Variants in VWA1 observed in about 807,000 individuals in gnomAD.
VWA1 encodes von Willebrand factor A domain-containing protein 1.
In VWA1, 12 loss-of-function variants were observed where a neutral mutation model predicts 14.9. That is an observed-to-expected ratio of 0.80 (90% confidence interval 0.52 to 1.30). The LOEUF (loss-of-function observed/expected upper bound fraction) is 1.30. Ranked by LOEUF, VWA1 falls within the 50% of genes most tolerant of loss-of-function variation. The pLI is 0.00. For synonymous variants in VWA1, 368 were observed against 310.7 expected (o/e 1.18, Z -1.94); for missense variants, 800 against 649.1 (o/e 1.23, Z -2.53).
chr1:1,440,990 A>T lies in VWA1; in HGVS notation c.*1203A>T, dbSNP rs1638658496. 6.6e-6 allele frequency: 1 copy of T among 152,044 alleles called. No homozygotes were observed. The highest frequency in any genetic ancestry group is 2.4e-5 in the African/African-American group (1 of 41,390). 9.4% of individuals were successfully genotyped at this position (152,044 alleles called of 1,614,324 possible). On this transcript the variant is annotated 3_prime_UTR_variant, in exon 3 of 3. Coordinates refer to ENST00000476993, the MANE Select transcript of VWA1 (RefSeq NM_022834.5). ...GCAGGTGGCTGGAATGCAGAGGACAAGGGGGCTGGGGCCTCTGCAGGGCCA... is the reference window on the plus strand; with the variant it reads ...GCAGGTGGCTGGAATGCAGAGGACATGGGGGCTGGGGCCTCTGCAGGGCCA...
intron 1 of VWA1, 81 bp downstream of exon 1, chr1:1,435,902 T>G: frequency 2.5e-5 from 4 of 160,900 alleles, no homozygotes; most frequent in South Asian, 2.3e-4. Context: ...GCCGTCGCTG[T>G]CCCCTGCTCC....
rs934601290 is a variant in VWA1, at chr1:1,435,702, G to C, written c.-47G>C. On this transcript the variant is annotated 5_prime_UTR_variant, in exon 1 of 3. Transcript: ENST00000476993. Reference sequence around the variant, plus strand: ...TGACGCGCCCTGCAGCCCCGAGCGAGCGAGCGAGCGAGCGAGTTGCCGAGC... The same window carrying C: ...TGACGCGCCCTGCAGCCCCGAGCGACCGAGCGAGCGAGCGAGTTGCCGAGC... 8.5e-7 allele frequency: 1 copy of C among 1,169,970 alleles called. No individual in the cohort carries two copies. The highest frequency in any genetic ancestry group is 1.1e-6 in the Non-Finnish European group (1 of 943,856). The allele number at this position is 1,169,970 out of a possible 1,614,324, so 72.5% of individuals were successfully genotyped here.
At position 1,442,606 on chromosome 1, in the gene VWA1, C is replaced by T. The variant is rs541748357; in HGVS notation, c.*2819C>T. 3.3e-5 allele frequency: 5 copies of T among 152,436 alleles called. No individual in the cohort carries two copies. The highest frequency in any genetic ancestry group is 6.5e-5 in the Admixed American group (1 of 15,312). The allele number at this position is 152,436 out of a possible 1,614,324, so 9.4% of individuals were successfully genotyped here. Reference sequence around the variant, plus strand: ...CCCTGACAGGTTGTGCGAGGCCCTTCGCTGGACAGCCCATTGCTGGCCACT... The same window carrying T: ...CCCTGACAGGTTGTGCGAGGCCCTTTGCTGGACAGCCCATTGCTGGCCACT... On this transcript the variant is annotated 3_prime_UTR_variant, in exon 3 of 3. Coordinates refer to ENST00000476993, the MANE Select transcript of VWA1 (RefSeq NM_022834.5).
chr1:1,439,550 G>C lies in VWA1; in HGVS notation c.1101G>C (p.Gln367His). ...GSAAALGYHV[Q>H]FGPLRGGEAQ... Reference sequence around the variant, plus strand: ...CCGCGGCGCTCGGCTACCACGTGCAGTTCGGGCCGCTGCGGGGCGGGGAGG... The same window carrying C: ...CCGCGGCGCTCGGCTACCACGTGCACTTCGGGCCGCTGCGGGGCGGGGAGG... Residue 367 changes from glutamine to histidine, a missense_variant, in exon 3 of 3, where the codon CAG becomes CAC. Physicochemically the swap from Gln to His is conservative, Grantham distance 24. Transcript: ENST00000476993. 2.3e-6 allele frequency: 3 copies of C among 1,325,320 alleles called. No homozygotes were observed. The highest frequency in any genetic ancestry group is 2.9e-6 in the Non-Finnish European group (3 of 1,040,790). 82.1% of individuals were successfully genotyped at this position (1,325,320 alleles called of 1,614,324 possible).
In VWA1 at chr1:1,437,306, G is replaced by C; in HGVS notation, c.453G>C (p.Val151=). Reference sequence around the variant, plus strand: ...CAGATGGCGGCTCCAGCGACCCTGTGGGCCCCCCCATGCAGGAGCTCAAGG... The same window carrying C: ...CAGATGGCGGCTCCAGCGACCCTGTCGGCCCCCCCATGCAGGAGCTCAAGG... ...WVTDGGSSDP[V]GPPMQELKDL... The change falls in exon 2 of 3, where the codon GTG becomes GTC. Residue 151 remains valine, a synonymous_variant. Transcript: ENST00000476993. 6.2e-7 allele frequency: 1 copy of C among 1,611,280 alleles called. No individual in the cohort carries two copies. The highest frequency in any genetic ancestry group is 8.5e-7 in the Non-Finnish European group (1 of 1,179,362).
rs534042580 is a variant in VWA1 at position 1,435,808 on chromosome 1, C to T, written c.60C>T (p.Ser20=). ...ALSLRLALAR[S]GAERGPPASA... ...GCTTGCGGCTGGCGCTGGCGCGGAG[C>T]GGCGCGGAGCGCGGTGAGTGCGGCG... The change falls in exon 1 of 3, where the codon AGC becomes AGT. Residue 20 remains serine (S), a synonymous_variant. Coordinates refer to ENST00000476993, the MANE Select transcript of VWA1 (RefSeq NM_022834.5). The T allele has an allele frequency of 3.4e-4, 403 of 1,177,352 alleles. 2 individuals carry two copies. In the Admixed American group the frequency reaches 3.6e-3, roughly 11 times the overall value. The allele number at this position is 1,177,352 out of a possible 1,614,324, so 72.9% of individuals were successfully genotyped here.
chr1:1,437,245 C>T lies in VWA1; in HGVS notation c.392C>T (p.Ala131Val), dbSNP rs750541639. The change falls in exon 2 of 3, where the codon GCC becomes GTC. Residue 131 changes from alanine to valine, a missense_variant. By Grantham distance (64) the Ala-to-Val change is moderately conservative. Transcript: ENST00000476993. ...KEQLFAEASG[A>V]RPGVPKVLVW... The stretch of plus-strand genomic sequence containing the variant: ...CAGCTGTTTGCTGAAGCATCAGGTG[C>T]CCGGCCAGGGGTGCCCAAAGTGCTG... 6.2e-7 allele frequency: 1 copy of T among 1,610,626 alleles called. No individual in the cohort carries two copies. The highest frequency in any genetic ancestry group is 1.7e-5 in the Admixed American group (1 of 59,616).
rs1328766717 is a variant in VWA1, at chr1:1,435,891, G to A, written c.73+70G>A. On this transcript the variant is annotated intron_variant, in intron 1 of 2. Coordinates refer to ENST00000476993, the MANE Select transcript of VWA1 (RefSeq NM_022834.5). ...CCGCTCTGCGCCGCTGCCCGCGCAA[G>A]GCCGTCGCTGTCCCCTGCTCCGGAC... 4.1e-6 allele frequency: 4 copies of A among 979,014 alleles called. No individual in the cohort carries two copies. In the African/African-American group the frequency reaches 5.3e-5, roughly 13 times the overall value. The allele number at this position is 979,014 out of a possible 1,614,324, so 60.6% of individuals were successfully genotyped here.
rs780999217 is a variant in VWA1, at chr1:1,439,280, G to T, written c.831G>T (p.Thr277=). 46 of 1,603,622 alleles carry T rather than the reference G, an allele frequency of 2.9e-5. 1 individual carries two copies. The Admixed American group carries it at 7.1e-4, about 25-fold the overall frequency. ...TCTGGGCCGGCCTCGACCCGGACACGGACTACGACGTGGCGCTAGTGCCTG... is the reference window on the plus strand; with the variant it reads ...TCTGGGCCGGCCTCGACCCGGACACTGACTACGACGTGGCGCTAGTGCCTG... ...DWIWAGLDPD[T]DYDVALVPES... The change falls in exon 3 of 3, where the codon ACG becomes ACT. Residue 277 remains threonine (T), a synonymous_variant. Transcript: ENST00000476993.
intron 2 of VWA1, 133 bp from the exon 3 acceptor site, chr1:1,438,948 G>T: frequency 7.2e-7 from 1 of 1,386,754 alleles, no homozygotes; most frequent in South Asian, 1.5e-5. Flanking sequence ...GGCTCCAGCA[G>T]CTCCTTGGCC....
Position 1,437,271 on chromosome 1 carries a change from G to C in VWA1, c.418G>C (p.Val140Leu), listed in dbSNP as rs1638566010. 1 of 1,610,640 alleles carries C rather than the reference G, an allele frequency of 6.2e-7. No individual in the cohort carries two copies. Among genetic ancestry groups the C allele is most frequent in the African/African-American group, 1.3e-5 (1 of 75,040 alleles). ...GARPGVPKVL[V>L]WVTDGGSSDP... ...CCGGCCAGGGGTGCCCAAAGTGCTGGTGTGGGTGACAGATGGCGGCTCCAG... is the reference window on the plus strand; with the variant it reads ...CCGGCCAGGGGTGCCCAAAGTGCTGCTGTGGGTGACAGATGGCGGCTCCAG... The change falls in exon 2 of 3, where the codon GTG becomes CTG. Residue 140 changes from valine to leucine, a missense_variant. Coordinates refer to ENST00000476993, the MANE Select transcript of VWA1 (RefSeq NM_022834.5).
Position 1,439,747 on chromosome 1 carries a change from C to G in VWA1, c.1298C>G (p.Pro433Arg), listed in dbSNP as rs1570126232. The part of the protein sequence containing the change: ...DGPRPRPRPV[P>R]RAPTPGTASR... The stretch of plus-strand genomic sequence containing the variant: ...CCGCGCCCGCGCCCACGCCCCGTGC[C>G]CCGCGCCCCGACCCCGGGGACCGCC... Residue 433 changes from proline to arginine, a missense_variant, in exon 3 of 3, where the codon CCC becomes CGC. Coordinates refer to ENST00000476993, the MANE Select transcript of VWA1 (RefSeq NM_022834.5). 2.7e-6 allele frequency: 3 copies of G among 1,093,310 alleles called. No homozygotes were observed. In the East Asian group the frequency reaches 1.8e-4, roughly 66 times the overall value. The allele number at this position is 1,093,310 out of a possible 1,614,324, so 67.7% of individuals were successfully genotyped here.
rs1638574731 is a variant in VWA1, at chr1:1,437,573, C to T, written c.631+89C>T. 5.4e-6 allele frequency: 8 copies of T among 1,485,602 alleles called. No individual in the cohort carries two copies. In the African/African-American group the frequency reaches 8.4e-5, roughly 16 times the overall value. 92.0% of individuals were successfully genotyped at this position (1,485,602 alleles called of 1,614,324 possible). On this transcript the variant is annotated intron_variant, in intron 2 of 2. Coordinates refer to ENST00000476993, the MANE Select transcript of VWA1 (RefSeq NM_022834.5). ...TGAGACTTTGGGAAGATCTCATGTCCCCAGAGCAGCGGCCAGGGCCTCCGG... is the reference window on the plus strand; with the variant it reads ...TGAGACTTTGGGAAGATCTCATGTCTCCAGAGCAGCGGCCAGGGCCTCCGG...
In VWA1 at chr1:1,439,441, A is replaced by C; in HGVS notation, c.992A>C (p.Glu331Ala). The stretch of plus-strand genomic sequence containing the variant: ...CAGCTCGCCGCCCTCCCCGCCCCAG[A>C]GGAGGCCGGGCCAGAGCGCATCGTC... ...PTQLAALPAP[E>A]EAGPERIVIS... The change falls in exon 3 of 3, where the codon GAG becomes GCG. Residue 331 changes from glutamate to alanine, a missense_variant. Transcript: ENST00000476993. 2.8e-6 allele frequency: 4 copies of C among 1,410,434 alleles called. No homozygotes were observed. Among genetic ancestry groups the C allele is most frequent in the Non-Finnish European group, 3.7e-6 (4 of 1,094,968 alleles). The allele number at this position is 1,410,434 out of a possible 1,614,324, so 87.4% of individuals were successfully genotyped here.
Position 1,439,151 on chromosome 1 carries a change from C to T in VWA1, c.702C>T (p.Pro234=), listed in dbSNP as rs1055751079. ...TSSGFRLAWP[P]LLTADSGYYV... ...GCGGCTTCCGCCTGGCCTGGCCACCCCTGCTGACCGCAGACTCGGGCTACT... is the reference window on the plus strand; with the variant it reads ...GCGGCTTCCGCCTGGCCTGGCCACCTCTGCTGACCGCAGACTCGGGCTACT... The change falls in exon 3 of 3, where the codon CCC becomes CCT. Residue 234 remains proline, a synonymous_variant. Transcript: ENST00000476993. The T allele has an allele frequency of 2.5e-5, 40 of 1,602,850 alleles. No individual in the cohort carries two copies. In the East Asian group the frequency reaches 8.7e-4, roughly 35 times the overall value.
At chr1:1,438,278 C>G (rs1422426887) in intron 2 of VWA1, among the ~76,000 whole-genome samples, 2 of 152,174 alleles carry the variant, frequency 1.3e-5, no homozygotes, top group Non-Finnish European at 2.9e-5. Context: ...CTAGTGGCCC[C>G]AGGTCACCCA....
Position 1,439,111 on chromosome 1 carries a change from C to T in VWA1, c.662C>T (p.Thr221Met), listed in dbSNP as rs556872088. The change falls in exon 3 of 3, where the codon ACG becomes ATG. Residue 221 changes from threonine to methionine, a missense_variant. Physicochemically the swap from Thr to Met is moderately conservative, Grantham distance 81. Coordinates refer to ENST00000476993, the MANE Select transcript of VWA1 (RefSeq NM_022834.5). ...DAMRPQQLHA[T>M]EITSSGFRLA... ...ATGCGGCCGCAGCAGCTCCATGCCA[C>T]GGAGATCACGTCCAGCGGCTTCCGC... The T allele has an allele frequency of 1.9e-6, 3 of 1,600,132 alleles. No homozygotes were observed. Among genetic ancestry groups the T allele is most frequent in the South Asian group, 2.2e-5 (2 of 90,968 alleles).
chr1:1,439,671 C>T lies in VWA1; in HGVS notation c.1222C>T (p.Arg408Cys). The T allele has an allele frequency of 2.3e-6, 3 of 1,307,784 alleles. No homozygotes were observed. The highest frequency in any genetic ancestry group is 2.9e-6 in the Non-Finnish European group (3 of 1,019,620). 81.0% of individuals were successfully genotyped at this position (1,307,784 alleles called of 1,614,324 possible). Residue 408 changes from arginine (R) to cysteine (C), a missense_variant, in exon 3 of 3, where the codon CGC (arginine) becomes TGC (cysteine). Physicochemically the swap from Arg to Cys is radical, Grantham distance 180. Coordinates refer to ENST00000476993, the MANE Select transcript of VWA1 (RefSeq NM_022834.5). ...AYLVTVTAAF[R>C]SGRESALSAK... The stretch of plus-strand genomic sequence containing the variant: ...CCTGGTGACCGTGACCGCCGCCTTC[C>T]GCTCGGGCCGCGAGAGCGCGCTGTC...
In VWA1 at chr1:1,442,589, G is replaced by C. The variant is rs141752169; in HGVS notation, c.*2802G>C. 3 of 152,454 alleles carry C rather than the reference G, an allele frequency of 2.0e-5. No homozygotes were observed. Among genetic ancestry groups the C allele is most frequent in the Non-Finnish European group, 4.4e-5 (3 of 68,078 alleles). 9.4% of individuals were successfully genotyped at this position (152,454 alleles called of 1,614,324 possible). ...CTGCGTGCCAGACCAGTCCCTGACA[G>C]GTTGTGCGAGGCCCTTCGCTGGACA... On this transcript the variant is annotated 3_prime_UTR_variant, in exon 3 of 3. Coordinates refer to ENST00000476993, the MANE Select transcript of VWA1 (RefSeq NM_022834.5).
Sources: allele counts gnomAD v4.1 joint callset (sites outside exome capture counted in the v4.1 genomes callset), GRCh38; gene constraint gnomAD v4.1.1; transcripts MANE v1.5; gene names NCBI Gene and HGNC (gene_info 2026-07-23, HGNC 2026-07-21).